Variants in EPHA6 observed in about 807,000 individuals in gnomAD.
EPHA6 encodes the protein EPH receptor A6, also known as ephrin type-A receptor 6.
A neutral mutation model predicts 112.0 loss-of-function variants in EPHA6; 50 were observed. The observed-to-expected ratio is 0.45, with a 90% CI of 0.36 to 0.56. EPHA6 has a LOEUF of 0.56. EPHA6 is among the 20% of genes least tolerant of loss of function. The pLI is 0.00. For synonymous variants in EPHA6, 529 were observed against 490.7 expected (o/e 1.08, Z -1.03); for missense variants, 1,280 against 1,417.4 (o/e 0.90, Z 1.56).
intron 5 of EPHA6, among the ~76,000 whole-genome samples, chr3:97,280,843 G>A (rs2080260905): frequency 5.3e-5 from 8 of 152,104 alleles, no homozygotes; most frequent in Admixed American, 4.6e-4. Flanking sequence ...CCTTTAATGT[G>A]TAACTATGAG....
intron 14 of EPHA6, among the ~76,000 whole-genome samples, chr3:97,714,867 A>T (rs150249788): frequency 2.0e-5 from 3 of 152,236 alleles, no homozygotes; most frequent in Non-Finnish European, 2.9e-5. Context: ...TCCAGTAAGC[A>T]CATTAATGCC....
intron 1 of EPHA6, among the ~76,000 whole-genome samples, chr3:96,848,139 T>C (rs2107356343): frequency 6.6e-6 from 1 of 152,166 alleles, no homozygotes; most frequent in East Asian, 1.9e-4. Context: ...ACAAATTAGA[T>C]TTTACTATTA....
intron 12 of EPHA6, among the ~76,000 whole-genome samples, chr3:97,594,213 A>G (rs890774056): frequency 1.3e-5 from 2 of 152,240 alleles, no homozygotes; most frequent in African/African-American, 4.8e-5. Context: ...ACTGACTTGA[A>G]TTATTCAACA....
At chr3:96,935,032 C>G (rs552690844) in intron 2 of EPHA6, among the ~76,000 whole-genome samples, 2 of 151,642 alleles carry the variant, frequency 1.3e-5, no homozygotes, top group African/African-American at 4.8e-5. Flanking sequence ...TCTCTAATGT[C>G]TACCCAACGC....
chr3:96,841,357 T>TC (rs2034738055), intron 1 of EPHA6, among the ~76,000 whole-genome samples: 1 of 152,136 alleles, frequency 6.6e-6, no homozygotes, highest in Non-Finnish European at 1.5e-5. Flanking sequence ...GCTTGACTTC[T>TC]CCCTTTAACT....
At chr3:96,966,756 A>G (rs116356824) in intron 2 of EPHA6, among the ~76,000 whole-genome samples, 1 of 152,194 alleles carries the variant, frequency 6.6e-6, no homozygotes, top group African/African-American at 2.4e-5. Context: ...TGCTCACACA[A>G]GGAAAGTAAC....
intron 2 of EPHA6, among the ~76,000 whole-genome samples, chr3:96,939,956 T>C (rs1366563036): frequency 6.6e-6 from 1 of 152,164 alleles, no homozygotes; most frequent in Admixed American, 6.5e-5. Context: ...GATTGCACTG[T>C]GGTCTGAGAG....
intron 3 of EPHA6, among the ~76,000 whole-genome samples, chr3:97,045,827 T>A (rs2045485903): frequency 6.6e-6 from 1 of 152,074 alleles, no homozygotes; most frequent in South Asian, 2.1e-4. Context: ...TGTAGGTATG[T>A]GGGTACATAT....
chr3:97,120,005 A>C (rs576930903), intron 3 of EPHA6, among the ~76,000 whole-genome samples: 1 of 151,996 alleles, frequency 6.6e-6, no homozygotes, highest in Non-Finnish European at 1.5e-5. Context: ...GTCACTGATA[A>C]AATCACATGA....
chr3:97,143,623 A>G (rs1366593769), intron 3 of EPHA6, among the ~76,000 whole-genome samples: 1 of 151,786 alleles, frequency 6.6e-6, no homozygotes. Context: ...ATAGTAAAGT[A>G]ATTGTTTCCA....
intron 2 of EPHA6, among the ~76,000 whole-genome samples, chr3:96,877,929 ATTTTTT>A (rs200140200): frequency 2.3e-5 from 3 of 128,570 alleles, no homozygotes; most frequent in African/African-American, 9.7e-5. Flanking sequence ...ATATATATAT[ATTTTTT>A]TTTTTTCCTT....
chr3:97,284,691 A>G (rs1291322620), intron 5 of EPHA6, among the ~76,000 whole-genome samples: 3 of 152,190 alleles, frequency 2.0e-5, no homozygotes, highest in Non-Finnish European at 4.4e-5. Flanking sequence ...ATAGTGAACT[A>G]TCCCAGATTT....
intron 3 of EPHA6, among the ~76,000 whole-genome samples, chr3:97,205,528 T>C (rs79592798): frequency 0.058 from 8,816 of 152,074 alleles, 847 homozygotes; most frequent in African/African-American, 0.2. Context: ...CAAACACAGC[T>C]CCAAAGCACA....
At chr3:96,880,400 CAT>C (rs2037241110) in intron 2 of EPHA6, among the ~76,000 whole-genome samples, 1 of 151,940 alleles carries the variant, frequency 6.6e-6, no homozygotes, top group Non-Finnish European at 1.5e-5. Flanking sequence ...AAAATAAAGA[CAT>C]ATAGAAATTG....
At chr3:97,066,992 CTT>C (rs1307659378) in intron 3 of EPHA6, among the ~76,000 whole-genome samples, 2 of 152,054 alleles carry the variant, frequency 1.3e-5, no homozygotes, top group Non-Finnish European at 2.9e-5. Flanking sequence ...AAGTCTCTCT[CTT>C]TTTTTAATCT....
intron 5 of EPHA6, among the ~76,000 whole-genome samples, chr3:97,281,565 G>A (rs1018170388): frequency 5.3e-5 from 8 of 151,856 alleles, no homozygotes; most frequent in African/African-American, 1.9e-4. Flanking sequence ...ACAGAAAATT[G>A]CATAGAATAC....
chr3:96,940,663 T>C (rs1012970349), intron 2 of EPHA6, among the ~76,000 whole-genome samples: 1 of 152,080 alleles, frequency 6.6e-6, no homozygotes, highest in Admixed American at 6.6e-5. Context: ...GGTTATTTTG[T>C]TCGTTAGTTG....
intron 1 of EPHA6, among the ~76,000 whole-genome samples, chr3:96,821,638 G>A (rs988143680): frequency 1.3e-5 from 2 of 151,516 alleles, no homozygotes; most frequent in African/African-American, 4.8e-5. Context: ...AGATCTGATA[G>A]GAAAAATTTG....
intron 12 of EPHA6, among the ~76,000 whole-genome samples, chr3:97,598,777 A>C (rs1355172492): frequency 2.0e-5 from 3 of 151,592 alleles, no homozygotes; most frequent in Non-Finnish European, 2.9e-5. Context: ...TTGGGTATAT[A>C]CCCAGTAATG....
Sources: gnomAD v4.1 joint callset for allele counts (sites outside exome capture counted in the v4.1 genomes callset) on GRCh38, gnomAD v4.1.1 for gene constraint, MANE v1.5 for transcripts, NCBI Gene and HGNC (gene_info 2026-07-23, HGNC 2026-07-21) for gene names.